The following SEM1 variants were observed in gnomAD, a reference collection of about 807,000 sequenced individuals.
The protein encoded by SEM1 is SEM1 26S proteasome subunit, also known as 26S proteasome complex subunit SEM1.
A neutral mutation model predicts 12.7 loss-of-function variants in SEM1; 3 were observed. The ratio of observed to expected loss-of-function variants is 0.24; its 90% CI spans 0.11 to 0.61. The LOEUF is 0.61. Ranked by LOEUF, SEM1 falls within the 20% of genes least tolerant of loss-of-function variation. The pLI is 0.88. For synonymous variants in SEM1, 30 were observed against 27.8 expected, an observed-to-expected ratio of 1.08 and a Z score of -0.25; for missense variants, 59 against 81.3, an observed-to-expected ratio of 0.73 and a Z score of 1.06.
upstream of SEM1, among the ~76,000 whole-genome samples, chr7:96,500,052 C>T (rs761970565): frequency 7.2e-5 from 11 of 152,070 alleles, no homozygotes; most frequent in Non-Finnish European, 8.8e-5. Flanking sequence ...ATTTAATTTT[C>T]CCTGTTCTTC....
intron 2 of SEM1, among the ~76,000 whole-genome samples, chr7:96,680,847 ATTGT>A (rs1297798994): frequency 1.3e-5 from 2 of 152,108 alleles, no homozygotes; most frequent in Non-Finnish European, 2.9e-5. Context: ...TATTCTGGCC[ATTGT>A]TTGTCATTAG....
intron 1 of SEM1, among the ~76,000 whole-genome samples, chr7:96,702,106 T>C (rs1433686557): frequency 6.6e-6 from 1 of 152,052 alleles, no homozygotes; most frequent in Non-Finnish European, 1.5e-5. Flanking sequence ...GATGACCAAA[T>C]AGACAATACA....
chr7:96,584,694 C>T (rs1806547193), intron 2 of SEM1, among the ~76,000 whole-genome samples: 1 of 151,504 alleles, frequency 6.6e-6, no homozygotes, highest in Non-Finnish European at 1.5e-5. Context: ...TCTAAACTTC[C>T]CTTCTCGCTT....
At chr7:96,519,659 C>T (rs1328077962) in intron 2 of SEM1, among the ~76,000 whole-genome samples, 1 of 151,876 alleles carries the variant, frequency 6.6e-6, no homozygotes, top group Admixed American at 6.6e-5. Context: ...AGGATGAGAC[C>T]CTCCACATAG....
intron 2 of SEM1, among the ~76,000 whole-genome samples, chr7:96,604,233 A>C (rs1438894256): frequency 6.6e-6 from 1 of 152,180 alleles, no homozygotes; most frequent in Non-Finnish European, 1.5e-5. Flanking sequence ...TGATCATTAA[A>C]ATATTACTTC....
At chr7:96,498,307 A>C (rs2117252162), upstream of SEM1, among the ~76,000 whole-genome samples, 2 of 152,300 alleles carry the variant, frequency 1.3e-5, no homozygotes, top group South Asian at 4.1e-4. Flanking sequence ...ATGTTTATTG[A>C]AATTCGTAGA....
Position 96,598,358 on chromosome 7 carries a change from A to AT in SEM1, c.171-91661dup, listed in dbSNP as rs992551945. Among the ~76,000 whole-genome samples the AT allele has an allele frequency of 3.3e-5, 5 of 150,778 alleles. No individual in the cohort carries two copies. In the East Asian group the frequency reaches 9.7e-4, roughly 29 times the overall value. On this transcript the variant is annotated intron_variant and NMD_transcript_variant, in intron 2 of 3. Transcript: ENST00000466986. ...ATGGGGTGTTTGTCATGGCTACCTT[A>AT]TTTTTTTTAAATATTGTATAAAGAT...
At chr7:96,528,439 G>A (rs182227981) in intron 2 of SEM1, among the ~76,000 whole-genome samples, 6 of 152,114 alleles carry the variant, frequency 3.9e-5, no homozygotes, top group East Asian at 1.9e-4. Flanking sequence ...CAATCTGCCC[G>A]CCTCAGCCTC....
intron 2 of SEM1, among the ~76,000 whole-genome samples, chr7:96,652,227 T>C (rs1465360286): frequency 6.6e-6 from 1 of 152,114 alleles, no homozygotes; most frequent in African/African-American, 2.4e-5. Flanking sequence ...TTGCTTTATT[T>C]TATTGTTTTA....
At chr7:96,654,760 T>C (rs1461891605) in intron 2 of SEM1, among the ~76,000 whole-genome samples, 1 of 152,184 alleles carries the variant, frequency 6.6e-6, no homozygotes, top group Non-Finnish European at 1.5e-5. Context: ...CACAAGCCCA[T>C]TGTAAATTGA....
chr7:96,562,857 T>G (rs1429254009), intron 2 of SEM1, among the ~76,000 whole-genome samples: 3 of 152,152 alleles, frequency 2.0e-5, no homozygotes, highest in Admixed American at 1.3e-4. Flanking sequence ...AGATGTAGAT[T>G]TTTCTAAGCT....
chr7:96,627,497 A>G (rs1808110659), intron 2 of SEM1, among the ~76,000 whole-genome samples: 1 of 151,914 alleles, frequency 6.6e-6, no homozygotes, highest in Non-Finnish European at 1.5e-5. Flanking sequence ...AAGATTTTCA[A>G]TTTCCTTCTT....
At chr7:96,496,003 C>T (rs4613908) in intron 1 of SEM1, among the ~76,000 whole-genome samples, 49,816 of 151,928 alleles carry the variant, frequency 0.33, 9,802 homozygotes, top group East Asian at 0.69. Flanking sequence ...GCAGGCCTCT[C>T]TGTTTGCTGT....
intron 2 of SEM1, among the ~76,000 whole-genome samples, chr7:96,513,894 A>T (rs747226286): frequency 4.4e-4 from 67 of 152,250 alleles, no homozygotes; most frequent in Non-Finnish European, 8.2e-4. Flanking sequence ...ATATTACTAT[A>T]GTAATATTAC....
intron 2 of SEM1, among the ~76,000 whole-genome samples, chr7:96,677,025 T>A (rs1789466751): frequency 6.6e-6 from 1 of 152,158 alleles, no homozygotes; most frequent in African/African-American, 2.4e-5. Context: ...ATAAAGCAAA[T>A]CAGCCCTGTT....
chr7:96,500,473 C>T (rs145032012), upstream of SEM1, among the ~76,000 whole-genome samples: 645 of 152,168 alleles, frequency 4.2e-3, 3 homozygotes, highest in Non-Finnish European at 7.3e-3. Flanking sequence ...TCAGGCCAGT[C>T]GTCATACATT....
chr7:96,617,164 A>G (rs1807747408), intron 2 of SEM1, among the ~76,000 whole-genome samples: 1 of 152,086 alleles, frequency 6.6e-6, no homozygotes. Context: ...GATGGTGATT[A>G]TTCCAATCCA....
At chr7:96,643,713 C>T (rs544428540) in intron 2 of SEM1, among the ~76,000 whole-genome samples, 22 of 152,120 alleles carry the variant, frequency 1.4e-4, no homozygotes, top group Non-Finnish European at 2.4e-4. Context: ...GAACAGAAAA[C>T]CAAACACCGC....
At chr7:96,485,536 CTTTTTTTTTT>C (rs61088450) in intron 2 of SEM1, among the ~76,000 whole-genome samples, 2 of 76,702 alleles carry the variant, frequency 2.6e-5, no homozygotes, top group African/African-American at 5.3e-5. Flanking sequence ...TCTCTACATT[CTTTTTTTTTT>C]TTTTTTTTTT....
Sources: allele counts gnomAD v4.1 joint callset (sites outside exome capture counted in the v4.1 genomes callset), GRCh38; gene constraint gnomAD v4.1.1; transcripts MANE v1.5; gene names NCBI Gene and HGNC (gene_info 2026-07-23, HGNC 2026-07-21).